Variants in MX2 observed in about 807,000 individuals in gnomAD.
The protein encoded by MX2 is interferon-induced GTP-binding protein Mx2.
In MX2, 51 loss-of-function variants were observed where a neutral mutation model predicts 74.0. The ratio of observed to expected loss-of-function variants is 0.69; its 90% confidence interval spans 0.55 to 0.87. The LOEUF (loss-of-function observed/expected upper bound fraction) is 0.87, where lower values mean the gene tolerates loss of function less well. Ranked by LOEUF, MX2 falls within the 40% of genes least tolerant of loss-of-function variation. The pLI, the probability that MX2 is intolerant of heterozygous loss-of-function variation, is 0.00. For synonymous variants in MX2, 369 were observed against 339.3 expected (o/e 1.09, Z -0.96); for missense variants, 832 against 908.7 (o/e 0.92, Z 1.09).
chr21:41,378,642 T>A (rs1057156126), intron 3 of MX2, among the ~76,000 whole-genome samples: 3 of 152,232 alleles, frequency 2.0e-5, no homozygotes, highest in African/African-American at 7.2e-5. Flanking sequence ...GAAGAAGCTG[T>A]TGTACATTCA....
intron 1 of MX2, among the ~76,000 whole-genome samples, chr21:41,371,136 CAAAG>C (rs1407914194): frequency 1.3e-5 from 2 of 152,178 alleles, no homozygotes; most frequent in Admixed American, 6.5e-5. Flanking sequence ...AAAATACACA[CAAAG>C]AAATCCACTG....
chr21:41,397,808 C>A, intron 8 of MX2, 117 bp downstream of exon 8: 1 of 796,750 alleles, frequency 1.3e-6, no homozygotes, highest in Non-Finnish European at 2.1e-6. Context: ...CAAGTACCCT[C>A]TGAACACTGT....
In MX2 at chr21:41,390,822, G is replaced by A. The variant is rs142728701; in HGVS notation, c.871+119G>A. On this transcript the variant is annotated intron_variant, in intron 6 of 13. Coordinates refer to ENST00000330714, the MANE Select transcript of MX2 (RefSeq NM_002463.2). ...AGATTGAGAACATCCTGGCTAATCC[G>A]GTGAAACCTCGTCTCCACTAAAAAT... 481 of 1,136,914 alleles carry A rather than the reference G, an allele frequency of 4.2e-4. 3 individuals are homozygous for A. The East Asian group carries it at 0.012, about 28-fold the overall frequency. 70.4% of individuals were successfully genotyped at this position (1,136,914 alleles called of 1,614,324 possible).
chr21:41,377,324 C>G (rs1170002745), intron 2 of MX2, among the ~76,000 whole-genome samples, 169 bp downstream of exon 2: 1 of 152,220 alleles, frequency 6.6e-6, no homozygotes, highest in Non-Finnish European at 1.5e-5. Context: ...CATACATAGA[C>G]TCTCCTGCAG....
chr21:41,368,407 C>T lies in MX2; in HGVS notation c.-72+6352C>T, dbSNP rs1453218885. ...GACAACCCGAAACCTACATTCCTTACTCAACAGGCCCGTGTCAGAAAATCC... is the reference window on the plus strand; with the variant it reads ...GACAACCCGAAACCTACATTCCTTATTCAACAGGCCCGTGTCAGAAAATCC... On this transcript the variant is annotated intron_variant, in intron 1 of 13. Coordinates refer to ENST00000330714, the MANE Select transcript of MX2 (RefSeq NM_002463.2). This position sits in a 1 kb window ranked among gnomAD's most constrained non-coding sequence, Gnocchi z 4.6. Among the ~76,000 whole-genome samples the T allele has an allele frequency of 6.6e-6, 1 of 152,286 alleles. No individual in the cohort carries two copies. Among genetic ancestry groups the T allele is most frequent in the East Asian group, 1.9e-4 (1 of 5,172 alleles).
At chr21:41,393,193 G>A (rs1379593106) in intron 6 of MX2, among the ~76,000 whole-genome samples, 1 of 147,340 alleles carries the variant, frequency 6.8e-6, no homozygotes. Context: ...CAAAGGATGA[G>A]AATAGAGCAA....
At position 41,376,438 on chromosome 21, in the gene MX2, C is replaced by T. The variant is rs563552274; in HGVS notation, c.-71-398C>T. 1.6e-4 allele frequency among the ~76,000 whole-genome samples: 24 copies of T among 152,288 alleles called. No individual in the cohort carries two copies. In the South Asian group the frequency reaches 1.7e-3, roughly 11 times the overall value. The stretch of plus-strand genomic sequence containing the variant: ...GTGCATGCCTCTAGTCCCAACTACT[C>T]GGTAAGCTGAGGCAGGGGGACTGCT... On this transcript the variant is annotated intron_variant, in intron 1 of 13. Coordinates refer to ENST00000330714, the MANE Select transcript of MX2 (RefSeq NM_002463.2).
At chr21:41,382,710 A>C in intron 5 of MX2, 146 bp downstream of exon 5, 1 of 1,076,836 alleles carries the variant, frequency 9.3e-7, no homozygotes, top group Non-Finnish European at 1.3e-6. Context: ...TGGGGGCCTC[A>C]TGCCCAGGTT....
chr21:41,407,220 A>G (rs1449796429), intron 13 of MX2, among the ~76,000 whole-genome samples: 1 of 152,214 alleles, frequency 6.6e-6, no homozygotes, highest in Non-Finnish European at 1.5e-5. Context: ...ATCAATTTTT[A>G]AAGTGGTAGA....
Position 41,399,562 on chromosome 21 carries a change from C to G in MX2, c.1414+225C>G, listed in dbSNP as rs534753861. 3 of 441,470 alleles carry G rather than the reference C, an allele frequency of 6.8e-6. No individual in the cohort carries two copies. In the South Asian group the frequency reaches 9.8e-5, roughly 14 times the overall value. 27.3% of individuals were successfully genotyped at this position (441,470 alleles called of 1,614,324 possible). On this transcript the variant is annotated intron_variant, in intron 10 of 13. Coordinates refer to ENST00000330714, the MANE Select transcript of MX2 (RefSeq NM_002463.2). ...TCCACTGCCTCTGATGTCCTCGTGTCTTGATTTTGTTTTGTTTTGTTGAGA... is the reference window on the plus strand; with the variant it reads ...TCCACTGCCTCTGATGTCCTCGTGTGTTGATTTTGTTTTGTTTTGTTGAGA...
intron 1 of MX2, among the ~76,000 whole-genome samples, chr21:41,372,409 G>A (rs1298665950): frequency 2.0e-5 from 3 of 152,282 alleles, no homozygotes; most frequent in African/African-American, 4.8e-5. Context: ...AATATTACTT[G>A]TCAGAAGTTT....
intron 3 of MX2, among the ~76,000 whole-genome samples, chr21:41,378,613 T>C (rs1273955524): frequency 6.6e-6 from 1 of 152,250 alleles, no homozygotes; most frequent in African/African-American, 2.4e-5. Flanking sequence ...ACAAAAACTT[T>C]TAAAAGTCTG....
intron 7 of MX2, 98 bp from the exon 8 acceptor site, chr21:41,397,515 C>T: frequency 6.7e-6 from 7 of 1,051,446 alleles, no homozygotes; most frequent in Non-Finnish European, 1.0e-5. Context: ...GCACGTGTTG[C>T]CCCGGGGAGC....
chr21:41,362,930 A>G (rs530654917), intron 1 of MX2, among the ~76,000 whole-genome samples: 165 of 150,000 alleles, frequency 1.1e-3, no homozygotes, highest in African/African-American at 3.8e-3. Flanking sequence ...GGTTAATTTT[A>G]TTTCTTTTTG....
chr21:41,381,394 G>GAA (rs2089489279), intron 4 of MX2, among the ~76,000 whole-genome samples: 1 of 152,194 alleles, frequency 6.6e-6, no homozygotes, highest in Admixed American at 6.5e-5. Context: ...GGGTAAGAAT[G>GAA]AATAGTGAGG....
chr21:41,395,685 A>G lies in MX2; in HGVS notation c.970A>G (p.Ile324Val). ...GTACCCCCTCAAGAAGGGCTACATG[A>G]TTGTGAAGTGCCGGGGCCAGCAGGA... Reference protein sequence around the residue: ...LTYPLKKGYMIVKCRGQQEIT... With the variant: ...LTYPLKKGYMVVKCRGQQEIT... The change falls in exon 7 of 14, where the codon ATT (isoleucine) becomes GTT (valine). Residue 324 changes from isoleucine to valine, a missense_variant. By Grantham distance (29) the Ile-to-Val change is conservative. Transcript: ENST00000330714. The G allele has an allele frequency of 6.2e-7, 1 of 1,614,226 alleles. No homozygotes were observed. Among genetic ancestry groups the G allele is most frequent in the South Asian group, 1.1e-5 (1 of 91,092 alleles).
In MX2 at chr21:41,380,145, C is replaced by G. The variant is rs761404955; in HGVS notation, c.571C>G (p.His191Asp). The change falls in exon 4 of 14, where the codon CAC becomes GAC. Residue 191 changes from histidine to aspartate, a missense_variant. Physicochemically the swap from His to Asp is moderately conservative, Grantham distance 81. Transcript: ENST00000330714. This position sits in a 1 kb window ranked among gnomAD's most constrained non-coding sequence, Gnocchi z 4.3. The stretch of plus-strand genomic sequence containing the variant: ...CCCTGGCCAGGTGGAGAAAGAGATA[C>G]ACAAAGGTGGGCCCACGTCATTCTG... ...QDPGQVEKEIHKAQNVMAGNG... is the reference protein window; with the variant it reads ...QDPGQVEKEIDKAQNVMAGNG... The G allele has an allele frequency of 1.2e-6, 2 of 1,613,906 alleles. No homozygotes were observed. The highest frequency in any genetic ancestry group is 1.7e-6 in the Non-Finnish European group (2 of 1,179,828).
rs76430302 is a variant in MX2, at chr21:41,380,011, G to T, written c.443-6G>T. On this transcript the variant is annotated splice_region_variant and splice_polypyrimidine_tract_variant and intron_variant, in intron 3 of 13. Coordinates refer to ENST00000330714, the MANE Select transcript of MX2 (RefSeq NM_002463.2). The surrounding 1 kb of genome is among the most constrained non-coding windows in gnomAD (Gnocchi z 4.3). ...ACTGAGGATATTTGGGGAACCTCTCGCTCAGGAATCGTAACCAGGTGTCCG... is the reference window on the plus strand; with the variant it reads ...ACTGAGGATATTTGGGGAACCTCTCTCTCAGGAATCGTAACCAGGTGTCCG... 1.4e-3 allele frequency: 2,218 copies of T among 1,613,642 alleles called. 35 individuals are homozygous for T. The African/African-American group carries it at 0.026, about 19-fold the overall frequency.
In MX2 at chr21:41,368,565, A is replaced by G. The variant is rs536491048; in HGVS notation, c.-72+6510A>G. 6.6e-6 allele frequency among the ~76,000 whole-genome samples: 1 copy of G among 152,138 alleles called. No individual in the cohort carries two copies. The highest frequency in any genetic ancestry group is 1.5e-5 in the Non-Finnish European group (1 of 68,028). ...TTTCACCCCTTTATTTTGCAGAGCA[A>G]TCTGTGCCCAGCTCCTGTCCTCTCA... On this transcript the variant is annotated intron_variant, in intron 1 of 13. Transcript: ENST00000330714. This position sits in a 1 kb window ranked among gnomAD's most constrained non-coding sequence, Gnocchi z 4.6.
Sources: gnomAD v4.1 joint callset for allele counts (sites outside exome capture counted in the v4.1 genomes callset) on GRCh38, gnomAD v4.1.1 for gene constraint, Gnocchi (gnomAD v3.1) non-coding constraint, MANE v1.5 for transcripts, NCBI Gene and HGNC (gene_info 2026-07-23, HGNC 2026-07-21) for gene names.